RSBN1L: variants seen among roughly 807,000 people sequenced by gnomAD.
RSBN1L encodes the protein lysine-specific demethylase RSBN1L.
RSBN1L carries 30 observed loss-of-function variants against 67.7 expected under a neutral mutation model. That is an observed-to-expected ratio of 0.44 (90% CI 0.33 to 0.60). The LOEUF (loss-of-function observed/expected upper bound fraction) is 0.60, where lower values mean the gene tolerates loss of function less well. RSBN1L is among the 20% of genes least tolerant of loss of function. RSBN1L has a pLI of 0.02. For missense variants in RSBN1L, 992 were observed against 1,031.7 expected (o/e 0.96, Z 0.53); for synonymous variants, 433 against 387.0 (o/e 1.12, Z -1.39).
At position 77,733,689 on chromosome 7, in the gene RSBN1L, A is replaced by G. The variant is rs528103051; in HGVS notation, c.587-2721A>G. Among the ~76,000 whole-genome samples the G allele has an allele frequency of 1.4e-4, 22 of 152,224 alleles. No homozygotes were observed. In the South Asian group the frequency reaches 2.9e-3, roughly 20 times the overall value. On this transcript the variant is annotated intron_variant, in intron 1 of 7. Coordinates refer to ENST00000334955, the MANE Select transcript of RSBN1L (RefSeq NM_198467.3). ...ATCTTTCAGTTTGTTTTTGGAATGTATGTATATTTCTAAAGTTTAAAAATA... is the reference window on the plus strand; with the variant it reads ...ATCTTTCAGTTTGTTTTTGGAATGTGTGTATATTTCTAAAGTTTAAAAATA...
chr7:77,706,725 A>G (rs1042473163), intron 1 of RSBN1L, among the ~76,000 whole-genome samples: 1 of 152,200 alleles, frequency 6.6e-6, no homozygotes, highest in Non-Finnish European at 1.5e-5. Context: ...CTGTATGGTC[A>G]GAATCTTTTG....
At chr7:77,743,259 T>G (rs1384346359) in intron 2 of RSBN1L, among the ~76,000 whole-genome samples, 2 of 152,012 alleles carry the variant, frequency 1.3e-5, no homozygotes, top group Non-Finnish European at 2.9e-5. Context: ...TTGCTTTGTT[T>G]CCCAGGCTGC....
In RSBN1L at chr7:77,777,557, T is replaced by A. The variant is rs368319374; in HGVS notation, c.1794-781T>A. Among the ~76,000 whole-genome samples the A allele has an allele frequency of 3.3e-5, 5 of 152,216 alleles. No individual in the cohort carries two copies. In the East Asian group the frequency reaches 9.6e-4, roughly 29 times the overall value. On this transcript the variant is annotated intron_variant, in intron 6 of 7. Transcript: ENST00000334955. The stretch of plus-strand genomic sequence containing the variant: ...AATACTTTAAAAGTAGTCCATTCTC[T>A]TCAGGCTTGCATTGTCTTTGATAAG...
chr7:77,708,682 G>T (rs1036963342), intron 1 of RSBN1L, among the ~76,000 whole-genome samples: 8 of 151,892 alleles, frequency 5.3e-5, no homozygotes, highest in Admixed American at 1.3e-4. Context: ...GCGCCCAGCC[G>T]AGTTCAGACT....
At chr7:77,721,362 A>G (rs904417661) in intron 1 of RSBN1L, among the ~76,000 whole-genome samples, 1 of 152,148 alleles carries the variant, frequency 6.6e-6, no homozygotes, top group Non-Finnish European at 1.5e-5. Context: ...ACTTATATGC[A>G]AAGCACCATT....
At chr7:77,776,110 G>A (rs573283948) in intron 6 of RSBN1L, among the ~76,000 whole-genome samples, 4 of 152,222 alleles carry the variant, frequency 2.6e-5, no homozygotes, top group Admixed American at 2.0e-4. Context: ...TATAAATTAA[G>A]AGCAATTAAG....
intron 2 of RSBN1L, among the ~76,000 whole-genome samples, chr7:77,737,986 G>C (rs1293103889): frequency 6.6e-6 from 1 of 150,638 alleles, no homozygotes; most frequent in Admixed American, 6.6e-5. Flanking sequence ...TCACCCCACT[G>C]TACTCCAGCC....
intron 1 of RSBN1L, among the ~76,000 whole-genome samples, chr7:77,699,088 AT>A (rs965402833): frequency 6.6e-6 from 1 of 152,226 alleles, no homozygotes. Context: ...TTGCAATACA[AT>A]GATCATTTCT....
chr7:77,696,567 C>T lies in RSBN1L; in HGVS notation c.98C>T (p.Ser33Phe), dbSNP rs1456614517. The T allele has an allele frequency of 3.7e-6, 6 of 1,614,032 alleles. No homozygotes were observed. The highest frequency in any genetic ancestry group is 2.7e-5 in the African/African-American group (2 of 74,954). Residue 33 changes from serine (S) to phenylalanine (F), a missense_variant, in exon 1 of 8, where the codon TCC becomes TTC. Physicochemically the swap from Ser to Phe is radical, Grantham distance 155 (BLOSUM62 -2). This residue lies in a region of RSBN1L where 575 missense variants were observed against 483.2 expected (regional missense o/e 1.19). Transcript: ENST00000334955. The part of the protein sequence containing the change: ...KEPFGKLQLS[S>F]RDPPGSLSAK... ...CCGTTTGGCAAGCTGCAACTCTCCT[C>T]CCGGGACCCTCCGGGTTCTCTGTCC...
At chr7:77,741,647 G>A (rs1322754122) in intron 2 of RSBN1L, among the ~76,000 whole-genome samples, 1 of 150,186 alleles carries the variant, frequency 6.7e-6, no homozygotes, top group Non-Finnish European at 1.5e-5. Context: ...AGCCAAGATC[G>A]TGCCACTGCA....
chr7:77,706,917 T>A (rs1050439408), intron 1 of RSBN1L, among the ~76,000 whole-genome samples: 1 of 152,208 alleles, frequency 6.6e-6, no homozygotes, highest in Non-Finnish European at 1.5e-5. Context: ...CAAATATATA[T>A]TAATGATACT....
chr7:77,709,580 G>A (rs561322411), intron 1 of RSBN1L, among the ~76,000 whole-genome samples: 1 of 152,146 alleles, frequency 6.6e-6, no homozygotes, highest in African/African-American at 2.4e-5. Flanking sequence ...GTGAGCCACC[G>A]TTCCCCACCA....
At chr7:77,761,153 C>T (rs1791693001) in intron 3 of RSBN1L, among the ~76,000 whole-genome samples, 1 of 152,172 alleles carries the variant, frequency 6.6e-6, no homozygotes, top group Non-Finnish European at 1.5e-5. Context: ...CATTGCTGAA[C>T]ATATGCAACA....
intron 1 of RSBN1L, among the ~76,000 whole-genome samples, chr7:77,723,822 T>C (rs2150416856): frequency 6.6e-6 from 1 of 152,172 alleles, no homozygotes; most frequent in African/African-American, 2.4e-5. Context: ...TAATCCCAGC[T>C]ACTCGGGTGG....
intron 1 of RSBN1L, among the ~76,000 whole-genome samples, chr7:77,713,391 C>G (rs552902838): frequency 6.6e-6 from 1 of 150,420 alleles, no homozygotes. Context: ...GAGTCTCACT[C>G]TGTCGCCCAG....
Position 77,696,497 on chromosome 7 carries a change from T to C in RSBN1L, c.28T>C (p.Cys10Arg). MAEPPSPVH[C>R]VAAAAPTATV... is the part of the protein sequence containing the mutation. Reference sequence around the variant, plus strand: ...GGCGGAACCGCCGAGCCCCGTGCACTGTGTCGCTGCCGCGGCCCCCACCGC... The same window carrying C: ...GGCGGAACCGCCGAGCCCCGTGCACCGTGTCGCTGCCGCGGCCCCCACCGC... Residue 10 changes from cysteine to arginine, a missense_variant, in exon 1 of 8, where the codon TGT becomes CGT. By Grantham distance (180) the Cys-to-Arg change is radical. Coordinates refer to ENST00000334955, the MANE Select transcript of RSBN1L (RefSeq NM_198467.3). 1 of 1,613,232 alleles carries C rather than the reference T, an allele frequency of 6.2e-7. No homozygotes were observed. The highest frequency in any genetic ancestry group is 2.2e-5 in the East Asian group (1 of 44,844).
At chr7:77,776,249 A>G (rs1310704941) in intron 6 of RSBN1L, among the ~76,000 whole-genome samples, 2 of 95,878 alleles carry the variant, frequency 2.1e-5, no homozygotes, top group Non-Finnish European at 3.9e-5. Flanking sequence ...GTTTTGCTCT[A>G]TTTTTGTGAC....
chr7:77,696,486 G>C lies in RSBN1L; in HGVS notation c.17G>C (p.Ser6Thr), dbSNP rs768269019. MAEPPSPVHCVAAAAP... is the reference protein window; with the variant it reads MAEPPTPVHCVAAAAP... ...GAGCGCAAAATGGCGGAACCGCCGA[G>C]CCCCGTGCACTGTGTCGCTGCCGCG... The change falls in exon 1 of 8, where the codon AGC becomes ACC. Residue 6 changes from serine to threonine, a missense_variant. Physicochemically the swap from Ser to Thr is moderately conservative, Grantham distance 58. Coordinates refer to ENST00000334955, the MANE Select transcript of RSBN1L (RefSeq NM_198467.3). 6.2e-7 allele frequency: 1 copy of C among 1,610,830 alleles called. No individual in the cohort carries two copies. Among genetic ancestry groups the C allele is most frequent in the South Asian group, 1.1e-5 (1 of 90,964 alleles).
rs368451246 is a variant in RSBN1L at position 77,696,871 on chromosome 7, G to T, written c.402G>T (p.Leu134=). 2.5e-6 allele frequency: 4 copies of T among 1,610,694 alleles called. No homozygotes were observed. The African/African-American group carries it at 5.3e-5, about 21-fold the overall frequency. The change falls in exon 1 of 8, where the codon CTG becomes CTT. Residue 134 remains leucine, a synonymous_variant. Transcript: ENST00000334955. ...VPRKLLVPPT[L]LHAQPHHLLL... ...GCAAACTGCTGGTCCCTCCTACGCTGCTGCACGCTCAGCCTCACCATCTCC... is the reference window on the plus strand; with the variant it reads ...GCAAACTGCTGGTCCCTCCTACGCTTCTGCACGCTCAGCCTCACCATCTCC...
Sources: allele counts gnomAD v4.1 joint callset (sites outside exome capture counted in the v4.1 genomes callset), GRCh38; gene constraint gnomAD v4.1.1; regional missense constraint gnomAD v4.1.1; transcripts MANE v1.5; gene names NCBI Gene and HGNC (gene_info 2026-07-23, HGNC 2026-07-21).